Variants in CLTRN observed in about 807,000 individuals in gnomAD.
The protein encoded by CLTRN is collectrin.
In CLTRN, 12 loss-of-function variants were observed where a neutral mutation model predicts 14.5. The ratio of observed to expected loss-of-function variants is 0.83; its 90% CI spans 0.53 to 1.34. The LOEUF is 1.34. Among genes scored for constraint, CLTRN ranks in the 40% most tolerant of loss-of-function variants. The pLI is 0.00. For missense variants in CLTRN, 154 were observed against 165.1 expected, an observed-to-expected ratio of 0.93 and a Z score of 0.37; for synonymous variants, 58 against 56.5, an observed-to-expected ratio of 1.03 and a Z score of -0.12.
At position 15,630,369 on chromosome X, in the gene CLTRN, AAGGAAGGAAGGAAGGAAGGAAG is replaced by A. The variant is rs1928665190; in HGVS notation, c.513-2264_513-2243del. Among the ~76,000 whole-genome samples the A allele has an allele frequency of 5.7e-5, 6 of 105,470 alleles. No individual in the cohort carries two copies. The East Asian group carries it at 1.2e-3, about 21-fold the overall frequency. 91.6% of individuals were successfully genotyped at this position (105,470 alleles called of 115,157 possible). ...ACGGGCTTTACCACAAGAAAGAAGG[AAGGAAGGAAGGAAGGAAGGAAG>A]GAAGGAAGGAAGGAAGGAAGGAAGG... On this transcript the variant is annotated intron_variant, in intron 5 of 5. Transcript: ENST00000380342.
At chrX:15,656,045 C>A (rs1929352052) in intron 3 of CLTRN, among the ~76,000 whole-genome samples, 1 of 111,723 alleles carries the variant, frequency 9.0e-6, no homozygotes, top group Admixed American at 9.5e-5. Context: ...TGTTCAAGTC[C>A]TAGGGGAGTG....
chrX:15,649,199 A>G (rs1929159883), intron 3 of CLTRN, among the ~76,000 whole-genome samples: 2 of 111,781 alleles, frequency 1.8e-5, no homozygotes, highest in Admixed American at 9.5e-5. Flanking sequence ...AAGGAAGGGC[A>G]TACAACTCCA....
intron 3 of CLTRN, among the ~76,000 whole-genome samples, chrX:15,648,641 T>C (rs918762644): frequency 3.6e-5 from 4 of 110,586 alleles, no homozygotes; most frequent in African/African-American, 1.3e-4. Flanking sequence ...TGAAACCCCA[T>C]CTCTACGAAA....
chrX:15,661,920 C>A (rs753742014), intron 2 of CLTRN, among the ~76,000 whole-genome samples: 1 of 111,999 alleles, frequency 8.9e-6, no homozygotes, highest in Non-Finnish European at 1.9e-5. Context: ...TGTGCCAGGA[C>A]CTTAAATGCC....
At chrX:15,670,352 A>ACACACACAC (rs1397043234) in intron 1 of CLTRN, among the ~76,000 whole-genome samples, 3 of 58,372 alleles carry the variant, frequency 5.1e-5, no homozygotes, top group East Asian at 1.2e-3. Context: ...CACACACACA[A>ACACACACAC]ACCCCTTTGG....
Position 15,628,003 on chromosome X carries a change from T to C in CLTRN, c.637A>G (p.Met213Val). 2 of 1,109,587 alleles carry C rather than the reference T, an allele frequency of 1.8e-6. No individual in the cohort carries two copies. Among genetic ancestry groups the C allele is most frequent in the Non-Finnish European group, 2.4e-6 (2 of 839,266 alleles). 91.4% of individuals were successfully genotyped at this position (1,109,587 alleles called of 1,213,427 possible). Reference sequence around the variant, plus strand: ...GGGGTGAGCCTCTCATCCTCTGTCATGAAGGCATCATTAATATGCCCTCCC... The same window carrying C: ...GGGGTGAGCCTCTCATCCTCTGTCACGAAGGCATCATTAATATGCCCTCCC... ...MKGGHINDAFMTEDERLTPL is the reference protein window; with the variant it reads ...MKGGHINDAFVTEDERLTPL Residue 213 changes from methionine to valine, a missense_variant, in exon 6 of 6, where the codon ATG (methionine) becomes GTG (valine). Coordinates refer to ENST00000380342, the MANE Select transcript of CLTRN (RefSeq NM_020665.6).
chrX:15,634,419 A>G (rs1928768470), intron 5 of CLTRN, among the ~76,000 whole-genome samples: 1 of 110,132 alleles, frequency 9.1e-6, no homozygotes, highest in Admixed American at 9.7e-5. Context: ...TTTCTATTAA[A>G]ACACACATCA....
At chrX:15,661,672 A>T (rs1452782367) in intron 2 of CLTRN, among the ~76,000 whole-genome samples, 2 of 112,439 alleles carry the variant, frequency 1.8e-5, no homozygotes, top group Non-Finnish European at 3.8e-5. Context: ...TTTATGATCC[A>T]TTAATCTACT....
intron 4 of CLTRN, among the ~76,000 whole-genome samples, chrX:15,641,995 A>G (rs1020580674): frequency 8.9e-6 from 1 of 111,972 alleles, no homozygotes; most frequent in Non-Finnish European, 1.9e-5. Context: ...ATCTACAACA[A>G]GGGATTTTTA....
chrX:15,656,013 C>T (rs1929350913), intron 3 of CLTRN, among the ~76,000 whole-genome samples: 1 of 111,536 alleles, frequency 9.0e-6, no homozygotes, highest in Non-Finnish European at 1.9e-5. Flanking sequence ...GGGGAATCTG[C>T]ACAGGAACCC....
At chrX:15,671,777 TTAA>T (rs1195560996) in intron 1 of CLTRN, among the ~76,000 whole-genome samples, 1 of 110,896 alleles carries the variant, frequency 9.0e-6, no homozygotes, top group African/African-American at 3.3e-5. Context: ...TGAGCTTATT[TTAA>T]TAATAATTTT....
At chrX:15,663,273 G>A (rs1014004630) in intron 2 of CLTRN, among the ~76,000 whole-genome samples, 4 of 112,293 alleles carry the variant, frequency 3.6e-5, no homozygotes, top group Admixed American at 1.9e-4. Flanking sequence ...ATTCAGCATC[G>A]TACCTGCTAT....
chrX:15,675,069 T>G (rs1455004569), upstream of CLTRN: 1 of 111,917 alleles, frequency 8.9e-6, no homozygotes, highest in African/African-American at 3.3e-5. Flanking sequence ...GCCCCGCCAG[T>G]GAGGAGCGCA....
chrX:15,628,149 T>A, intron 5 of CLTRN, 22 bp from the exon 6 acceptor site: 2 of 1,033,471 alleles, frequency 1.9e-6, no homozygotes, highest in Non-Finnish European at 2.5e-6. Context: ...TAAAAAAGAG[T>A]GATTGGCATC....
intron 3 of CLTRN, among the ~76,000 whole-genome samples, chrX:15,655,778 A>AGTATGT (rs1175828739): frequency 1.9e-4 from 21 of 111,830 alleles, no homozygotes; most frequent in Non-Finnish European, 3.6e-4. Flanking sequence ...TGGCAACTTG[A>AGTATGT]CGGAGTCCTG....
upstream of CLTRN, among the ~76,000 whole-genome samples, chrX:15,667,490 A>T (rs750981221): frequency 1.8e-5 from 2 of 112,447 alleles, no homozygotes; most frequent in Non-Finnish European, 3.8e-5. Context: ...AATTCTTTTT[A>T]GAAAATACAA....
chrX:15,650,693 G>A (rs182494326), intron 3 of CLTRN, among the ~76,000 whole-genome samples: 3 of 111,859 alleles, frequency 2.7e-5, no homozygotes, highest in East Asian at 2.8e-4. Flanking sequence ...TATGTAACTC[G>A]TCTCAAGATT....
intron 3 of CLTRN, among the ~76,000 whole-genome samples, chrX:15,656,283 C>A (rs183013192): frequency 7.2e-4 from 81 of 112,332 alleles, no homozygotes; most frequent in Non-Finnish European, 1.2e-3. Context: ...ACAATGAGCT[C>A]TGTATCATTG....
At chrX:15,648,366 C>T (rs1929137542) in intron 3 of CLTRN, among the ~76,000 whole-genome samples, 1 of 111,691 alleles carries the variant, frequency 9.0e-6, no homozygotes, top group African/African-American at 3.3e-5. Flanking sequence ...GGTTGTTTAG[C>T]AGCAAATCTG....
Sources: allele counts gnomAD v4.1 joint callset (sites outside exome capture counted in the v4.1 genomes callset), GRCh38; gene constraint gnomAD v4.1.1; transcripts MANE v1.5; gene names NCBI Gene and HGNC (gene_info 2026-07-23, HGNC 2026-07-21).